Variants in RSPH14 observed in about 807,000 individuals in gnomAD.
RSPH14 encodes radial spoke head 14 homolog, also known as rhabdoid tumor deletion region gene 1.
In RSPH14, 20 loss-of-function variants were observed where a neutral mutation model predicts 26.7. The observed-to-expected ratio is 0.75, with a 90% confidence interval of 0.53 to 1.09. RSPH14 has a LOEUF of 1.09. RSPH14 is among the 50% of genes least tolerant of loss of function. RSPH14 has a pLI of 0.00. For synonymous variants in RSPH14, 177 were observed against 189.3 expected, an observed-to-expected ratio of 0.93 and a Z score of 0.53; for missense variants, 449 against 457.2, an observed-to-expected ratio of 0.98 and a Z score of 0.16.
chr22:23,130,141 AAGAAAGAAAGAAAGAAAG>A (rs2070310846), intron 4 of RSPH14, among the ~76,000 whole-genome samples: 5 of 116,456 alleles, frequency 4.3e-5, no homozygotes, highest in African/African-American at 1.6e-4. Context: ...GAAAGAAAGA[AAGAAAGAAAGAAAGAAAG>A]AAAAAGAAAA....
At chr22:23,124,425 T>G (rs1028150443) in intron 4 of RSPH14, 1 of 469,862 alleles carries the variant, frequency 2.1e-6, no homozygotes, top group African/African-American at 2.0e-5. Flanking sequence ...TGAGTGGCAG[T>G]CCTGCGCCAG....
chr22:23,136,430 A>C, intron 3 of RSPH14: 1 of 539,472 alleles, frequency 1.9e-6, no homozygotes, highest in Non-Finnish European at 3.5e-6. Flanking sequence ...ATCACCACTG[A>C]CCTCAAGGGA....
intron 4 of RSPH14, among the ~76,000 whole-genome samples, chr22:23,116,086 T>C (rs1188163815): frequency 6.6e-6 from 1 of 152,260 alleles, no homozygotes; most frequent in Non-Finnish European, 1.5e-5. Context: ...TGTCATGTGC[T>C]CACCACGTGC....
chr22:23,151,550 G>A, the RSPH14 span, among the ~76,000 whole-genome samples: 3 of 152,200 alleles, frequency 2.0e-5, no homozygotes, highest in Non-Finnish European at 2.9e-5. Context: ...GTGACCATTT[G>A]GCTCCTTGGG....
chr22:23,151,251 C>T, the RSPH14 span, among the ~76,000 whole-genome samples: 2 of 152,236 alleles, frequency 1.3e-5, no homozygotes, highest in Non-Finnish European at 2.9e-5. Flanking sequence ...GGTGCCATAT[C>T]AGGTGCTTCA....
the RSPH14 span, among the ~76,000 whole-genome samples, chr22:23,150,649 G>A: frequency 6.6e-6 from 1 of 152,106 alleles, no homozygotes; most frequent in Non-Finnish European, 1.5e-5. Context: ...CTGCCATATG[G>A]AACAACTTTC....
At chr22:23,061,692 T>G in intron 6 of RSPH14, 117 bp downstream of exon 6, 1 of 1,344,980 alleles carries the variant, frequency 7.4e-7, no homozygotes, top group South Asian at 1.5e-5. Flanking sequence ...GAGGTTTTTT[T>G]TTTTTTTGCA....
chr22:23,095,255 C>T (rs2069091643), intron 4 of RSPH14: 1 of 187,848 alleles, frequency 5.3e-6, no homozygotes, highest in Admixed American at 5.5e-5. Context: ...AGGTGAAGGG[C>T]TGGATGCACA....
chr22:23,086,237 GGGGCCCAGTTGGA>G (rs1450924096), intron 4 of RSPH14, among the ~76,000 whole-genome samples: 1 of 152,234 alleles, frequency 6.6e-6, no homozygotes, highest in African/African-American at 2.4e-5. Flanking sequence ...GCAGTCCCGT[GGGGCCCAGTTGGA>G]GGGCTTGGTG....
intron 4 of RSPH14, among the ~76,000 whole-genome samples, chr22:23,079,101 A>G (rs980579487): frequency 5.9e-5 from 9 of 152,240 alleles, no homozygotes; most frequent in East Asian, 1.9e-4. Context: ...GGATACATCA[A>G]TGAACAAACA....
chr22:23,109,272 C>T (rs1267100130), intron 4 of RSPH14, among the ~76,000 whole-genome samples: 5 of 152,264 alleles, frequency 3.3e-5, no homozygotes, highest in African/African-American at 9.6e-5. Flanking sequence ...CCGAGGGCAG[C>T]CCCACCAAAG....
At chr22:23,095,464 G>T (rs1176963722) in intron 4 of RSPH14, 1 of 550,386 alleles carries the variant, frequency 1.8e-6, no homozygotes, top group Admixed American at 3.4e-5. Flanking sequence ...CTAGGGAGGT[G>T]GAGTGTCACT....
chr22:23,123,083 C>G (rs1351536546), intron 4 of RSPH14: 1 of 1,605,260 alleles, frequency 6.2e-7, no homozygotes, highest in Non-Finnish European at 8.5e-7. Flanking sequence ...TTTCCTTTCC[C>G]CAGAGTCGGA....
At chr22:23,136,305 C>T (rs1196254018) in intron 3 of RSPH14, 1 of 701,638 alleles carries the variant, frequency 1.4e-6, no homozygotes, top group Admixed American at 2.1e-5. Context: ...TCCTCATTCC[C>T]CCTTCCTGTC....
chr22:23,139,231 C>A (rs2070544362), intron 2 of RSPH14, among the ~76,000 whole-genome samples: 1 of 152,238 alleles, frequency 6.6e-6, no homozygotes, highest in Admixed American at 6.5e-5. Context: ...TTTCTTTGAC[C>A]TCAGGAGAGA....
Position 23,064,034 on chromosome 22 carries a change from G to A in RSPH14, c.521C>T (p.Thr174Ile), listed in dbSNP as rs763810708. The A allele has an allele frequency of 5.0e-6, 8 of 1,614,080 alleles. No homozygotes were observed. The East Asian group carries it at 1.8e-4, about 36-fold the overall frequency. The change falls in exon 5 of 7, where the codon ACA (threonine) becomes ATA (isoleucine). Residue 174 changes from threonine (T) to isoleucine (I), a missense_variant. Transcript: ENST00000216036. ...EEEFQEFILDTLVLCLQEDAT... is the reference protein window; with the variant it reads ...EEEFQEFILDILVLCLQEDAT... ...ATCCTCCTGCAGGCAGAGGACCAGTGTGTCCAGGATGAACTCCTGGAACTC... is the reference window on the plus strand; with the variant it reads ...ATCCTCCTGCAGGCAGAGGACCAGTATGTCCAGGATGAACTCCTGGAACTC...
chr22:23,130,533 A>AAAGAAAGAAAGAAAGAAAGAGAAAGAAG (rs1569193256), intron 4 of RSPH14, among the ~76,000 whole-genome samples: 1 of 85,378 alleles, frequency 1.2e-5, no homozygotes, highest in African/African-American at 4.4e-5. Flanking sequence ...AGAAAGAAAG[A>AAAGAAAGAAAGAAAGAAAGAGAAAGAAG]GAAAGAAGGA....
chr22:23,178,357 G>T, the RSPH14 span, among the ~76,000 whole-genome samples: 1 of 151,692 alleles, frequency 6.6e-6, no homozygotes, highest in African/African-American at 2.4e-5. Context: ...CAGAGGTTGC[G>T]GTGAGCAGAG....
intron 2 of RSPH14, among the ~76,000 whole-genome samples, chr22:23,139,273 T>C (rs1359311464): frequency 6.6e-6 from 1 of 152,258 alleles, no homozygotes; most frequent in African/African-American, 2.4e-5. Context: ...TGTGTCAAAC[T>C]AGTCATATGA....
Sources: allele counts gnomAD v4.1 joint callset (sites outside exome capture counted in the v4.1 genomes callset), GRCh38; gene constraint gnomAD v4.1.1; transcripts MANE v1.5; gene names NCBI Gene and HGNC (gene_info 2026-07-23, HGNC 2026-07-21).